SOCS5: variants seen among roughly 807,000 people sequenced by gnomAD.
SOCS5 encodes the protein suppressor of cytokine signaling 5.
Under a neutral mutation model 42.8 loss-of-function variants are expected in SOCS5, and 32 were observed. The ratio of observed to expected loss-of-function variants is 0.75; its 90% CI spans 0.56 to 1.01. The LOEUF (loss-of-function observed/expected upper bound fraction) is 1.01. SOCS5 is among the 50% of genes least tolerant of loss of function. SOCS5 has a pLI of 0.00. For missense variants in SOCS5, 627 were observed against 653.0 expected, an observed-to-expected ratio of 0.96 and a Z score of 0.43; for synonymous variants, 283 against 229.6, an observed-to-expected ratio of 1.23 and a Z score of -2.10.
chr2:46,741,611 TA>T (rs1169472740), intron 1 of SOCS5, among the ~76,000 whole-genome samples: 24 of 152,174 alleles, frequency 1.6e-4, no homozygotes, highest in Non-Finnish European at 2.9e-4. Context: ...CTATATTTTT[TA>T]AAAAATGTTT....
chr2:46,715,409 T>C (rs146201961), intron 1 of SOCS5, among the ~76,000 whole-genome samples: 4,326 of 152,008 alleles, frequency 0.028, 84 homozygotes, highest in Non-Finnish European at 0.044. Flanking sequence ...AAAAATGTCT[T>C]TAATATTTAC....
At chr2:46,715,216 C>G (rs942235585) in intron 1 of SOCS5, among the ~76,000 whole-genome samples, 1 of 151,642 alleles carries the variant, frequency 6.6e-6, no homozygotes, top group African/African-American at 2.4e-5. Flanking sequence ...AAAAAAATAA[C>G]AAAAATTAGC....
chr2:46,706,011 CT>C (rs982448629), intron 1 of SOCS5, among the ~76,000 whole-genome samples: 1 of 152,100 alleles, frequency 6.6e-6, no homozygotes, highest in Admixed American at 6.5e-5. Flanking sequence ...AGATGACTTC[CT>C]TGAAGGCATT....
intron 1 of SOCS5, among the ~76,000 whole-genome samples, chr2:46,714,870 T>C (rs1465195814): frequency 6.6e-6 from 1 of 152,242 alleles, no homozygotes; most frequent in Non-Finnish European, 1.5e-5. Context: ...TTATCTTTCC[T>C]GTTGGTTTGT....
At chr2:46,728,991 T>A (rs1673054397) in intron 1 of SOCS5, among the ~76,000 whole-genome samples, 1 of 152,216 alleles carries the variant, frequency 6.6e-6, no homozygotes, top group Non-Finnish European at 1.5e-5. Flanking sequence ...TGGCTCTACC[T>A]CAGATCTACT....
At chr2:46,719,863 C>T (rs936072088) in intron 1 of SOCS5, among the ~76,000 whole-genome samples, 13 of 152,120 alleles carry the variant, frequency 8.5e-5, no homozygotes, top group South Asian at 2.1e-4. Context: ...GGCTATTCCT[C>T]GGCAGTCGCA....
chr2:46,755,253 GTTAAAC>G (rs1673708222), intron 1 of SOCS5, among the ~76,000 whole-genome samples: 1 of 152,126 alleles, frequency 6.6e-6, no homozygotes, highest in African/African-American at 2.4e-5. Context: ...CTTAAAACAT[GTTAAAC>G]TTAATTTATT....
intron 1 of SOCS5, among the ~76,000 whole-genome samples, chr2:46,730,413 C>T (rs1673089785): frequency 1.3e-5 from 2 of 151,970 alleles, no homozygotes; most frequent in South Asian, 4.2e-4. Flanking sequence ...CCAGCCTGGC[C>T]AACATGGTGA....
Position 46,709,836 on chromosome 2 carries a change from C to T in SOCS5, c.-13+10387C>T, listed in dbSNP as rs183602555. ...CTGTTATAGTTTATGATGTTTGTAGCACTGATTACTTAATTTACATACTAT... is the reference window on the plus strand; with the variant it reads ...CTGTTATAGTTTATGATGTTTGTAGTACTGATTACTTAATTTACATACTAT... On this transcript the variant is annotated intron_variant, in intron 1 of 1. Coordinates refer to ENST00000394861, the MANE Select transcript of SOCS5 (RefSeq NM_144949.3). 5.3e-5 allele frequency among the ~76,000 whole-genome samples: 8 copies of T among 152,300 alleles called. No homozygotes were observed. The East Asian group carries it at 1.5e-3, about 29-fold the overall frequency.
chr2:46,759,160 C>A lies in SOCS5; in HGVS notation c.630C>A (p.Leu210=), dbSNP rs767839533. ...TTTCCAATAAAAGAAAAATCCATCT[C>A]TCTGAATTAATGCTTGAGAAATGCC... is the stretch of plus-strand genomic sequence containing the variant. ...PLFSNKRKIH[L]SELMLEKCPF... The change falls in exon 2 of 2, where the codon CTC becomes CTA. Residue 210 remains leucine (L), a synonymous_variant. Transcript: ENST00000394861. 1.2e-6 allele frequency: 2 copies of A among 1,614,032 alleles called. No homozygotes were observed. The highest frequency in any genetic ancestry group is 2.2e-5 in the East Asian group (1 of 44,884).
At position 46,759,568 on chromosome 2, in the gene SOCS5, C is replaced by T. The variant is rs566148093; in HGVS notation, c.1038C>T (p.Asp346=). ...AGAAGCAGCGTCAGATATCTGGAGA[C>T]AGCCATACCCATGTTAGCAGACAGG... The part of the protein sequence containing the change: ...RRQKQRQISG[D]SHTHVSRQGA... Residue 346 remains aspartate (D), a synonymous_variant, in exon 2 of 2, where the codon GAC becomes GAT. Coordinates refer to ENST00000394861, the MANE Select transcript of SOCS5 (RefSeq NM_144949.3). 13 of 1,613,842 alleles carry T rather than the reference C, an allele frequency of 8.1e-6. No homozygotes were observed. Among genetic ancestry groups the T allele is most frequent in the Non-Finnish European group, 8.5e-6 (10 of 1,179,848 alleles).
At chr2:46,741,713 C>A (rs1408647225) in intron 1 of SOCS5, among the ~76,000 whole-genome samples, 2 of 152,064 alleles carry the variant, frequency 1.3e-5, no homozygotes, top group Non-Finnish European at 2.9e-5. Context: ...ATATTAAATG[C>A]CCCAGAAACA....
At chr2:46,723,591 C>G (rs868626419) in intron 1 of SOCS5, among the ~76,000 whole-genome samples, 1 of 152,016 alleles carries the variant, frequency 6.6e-6, no homozygotes, top group Non-Finnish European at 1.5e-5. Context: ...ATCAATTGGT[C>G]ACATTTGTGT....
chr2:46,715,292 AGCCTG>A, intron 1 of SOCS5, among the ~76,000 whole-genome samples: 1 of 151,046 alleles, frequency 6.6e-6, no homozygotes, highest in Non-Finnish European at 1.5e-5. Flanking sequence ...GTATTGCTTG[AGCCTG>A]GGCTGTCGAG....
At position 46,763,080 on chromosome 2, in the gene SOCS5, G is replaced by A. The variant is rs1402731396; in HGVS notation, c.*2939G>A. The A allele has an allele frequency of 1.8e-5, 3 of 166,996 alleles. No homozygotes were observed. Among genetic ancestry groups the A allele is most frequent in the Admixed American group, 6.5e-5 (1 of 15,268 alleles). The allele number at this position is 166,996 out of a possible 1,614,324, so 10.3% of individuals were successfully genotyped here. A position where few individuals can be genotyped will look rare whatever the true frequency, so the allele number is the denominator to read the frequency against. On this transcript the variant is annotated 3_prime_UTR_variant, in exon 2 of 2. Transcript: ENST00000394861. ...TTTTATTATCTGCACTAAAAGTTTA[G>A]CCTTGCTACTTTAGCCTTGTTTATA... is the stretch of plus-strand genomic sequence containing the variant.
chr2:46,712,676 T>G (rs113684652), intron 1 of SOCS5, among the ~76,000 whole-genome samples: 309 of 152,340 alleles, frequency 2.0e-3, no homozygotes, highest in African/African-American at 7.0e-3. Flanking sequence ...TCTGCACTAT[T>G]GAGACGCTTA....
intron 1 of SOCS5, among the ~76,000 whole-genome samples, chr2:46,728,462 T>C (rs777663408): frequency 1.3e-5 from 2 of 152,198 alleles, no homozygotes; most frequent in Non-Finnish European, 2.9e-5. Flanking sequence ...TATTATTTGT[T>C]TAATTCTCCA....
At position 46,761,403 on chromosome 2, in the gene SOCS5, C is replaced by G. The variant is rs542711226; in HGVS notation, c.*1262C>G. 6.0e-6 allele frequency: 1 copy of G among 167,104 alleles called. No individual in the cohort carries two copies. Among genetic ancestry groups the G allele is most frequent in the Admixed American group, 6.5e-5 (1 of 15,296 alleles). The allele number at this position is 167,104 out of a possible 1,614,324, so 10.4% of individuals were successfully genotyped here. ...TCTCATGTCTTTTCGTTAATGTGCT[C>G]TGTACCACTGGTGAGTGCTCCATAG... On this transcript the variant is annotated 3_prime_UTR_variant, in exon 2 of 2. Coordinates refer to ENST00000394861, the MANE Select transcript of SOCS5 (RefSeq NM_144949.3).
intron 1 of SOCS5, among the ~76,000 whole-genome samples, chr2:46,746,737 G>T (rs560187440): frequency 5.9e-5 from 9 of 151,434 alleles, no homozygotes; most frequent in African/African-American, 2.2e-4. Context: ...CATGTTTGTT[G>T]TTAGTACGGT....
Sources: gnomAD v4.1 joint callset for allele counts (sites outside exome capture counted in the v4.1 genomes callset) on GRCh38, gnomAD v4.1.1 for gene constraint, MANE v1.5 for transcripts, NCBI Gene and HGNC (gene_info 2026-07-23, HGNC 2026-07-21) for gene names.